The following FNDC3B variants were observed in gnomAD, a reference collection of about 807,000 sequenced individuals.
FNDC3B encodes the protein fibronectin type III domain-containing protein 3B.
Under a neutral mutation model 151.5 loss-of-function variants are expected in FNDC3B, and 12 were observed. The observed-to-expected ratio is 0.08, with a 90% confidence interval of 0.05 to 0.13. The LOEUF (loss-of-function observed/expected upper bound fraction) is 0.13. Among genes scored for constraint, FNDC3B ranks in the 10% least tolerant of loss-of-function variants. FNDC3B has a pLI of 1.00. For missense variants in FNDC3B, 1,214 were observed against 1,505.3 expected (o/e 0.81, Z 3.20); for synonymous variants, 528 against 549.0 (o/e 0.96, Z 0.54).
intron 3 of FNDC3B, among the ~76,000 whole-genome samples, chr3:172,202,176 A>G (rs1725188566): frequency 6.6e-6 from 1 of 152,194 alleles, no homozygotes; most frequent in South Asian, 2.1e-4. Flanking sequence ...AAGTTACATC[A>G]TCTAGAATTT....
chr3:172,086,271 G>A (rs1718543304), intron 1 of FNDC3B, among the ~76,000 whole-genome samples: 1 of 151,792 alleles, frequency 6.6e-6, no homozygotes, highest in Non-Finnish European at 1.5e-5. Flanking sequence ...AAGGTAGGAG[G>A]TTTGCTTGAG....
chr3:172,310,183 C>G (rs115712633), intron 10 of FNDC3B, among the ~76,000 whole-genome samples: 1 of 152,286 alleles, frequency 6.6e-6, no homozygotes, highest in African/African-American at 2.4e-5. Flanking sequence ...TTCTTTACTT[C>G]CCTTCCCATT....
Position 172,074,756 on chromosome 3 carries a change from G to C in FNDC3B, c.-29+34985G>C, listed in dbSNP as rs142039310. Among the ~76,000 whole-genome samples, 64 of 152,272 alleles carry C rather than the reference G, an allele frequency of 4.2e-4. 2 individuals carry two copies. The East Asian group carries it at 0.012, about 29-fold the overall frequency. On this transcript the variant is annotated intron_variant, in intron 1 of 25. Coordinates refer to ENST00000415807, the MANE Select transcript of FNDC3B (RefSeq NM_022763.4). ...GTGAAATTTGGCAGGCCCCTAGCCC[G>C]TTAGTGGCCACAGTCACATGATTGA...
chr3:172,346,105 T>A, intron 19 of FNDC3B: 1 of 283,956 alleles, frequency 3.5e-6, no homozygotes, highest in Admixed American at 5.2e-5. Flanking sequence ...ATTTTACAAT[T>A]AAAAAAATGA....
At chr3:172,044,669 A>G (rs1716277631) in intron 1 of FNDC3B, among the ~76,000 whole-genome samples, 1 of 152,214 alleles carries the variant, frequency 6.6e-6, no homozygotes, top group Non-Finnish European at 1.5e-5. Context: ...ACTATTTTCA[A>G]GGATAAGATA....
At chr3:172,099,954 G>A (rs1241728276) in intron 1 of FNDC3B, among the ~76,000 whole-genome samples, 1 of 152,028 alleles carries the variant, frequency 6.6e-6, no homozygotes, top group African/African-American at 2.4e-5. Context: ...CCCTCTTGGG[G>A]GTTCATGACA....
intron 13 of FNDC3B, 50 bp from the exon 14 acceptor site, chr3:172,333,039 A>G (rs766964020): frequency 3.0e-5 from 36 of 1,182,386 alleles, no homozygotes; most frequent in Non-Finnish European, 4.5e-5. Flanking sequence ...AAGGTATTTA[A>G]TGCCCAGAAT....
At chr3:172,192,161 T>G (rs866547333) in intron 3 of FNDC3B, among the ~76,000 whole-genome samples, 77 of 141,126 alleles carry the variant, frequency 5.5e-4, no homozygotes, top group Middle Eastern at 3.7e-3. Context: ...ACTGTTTTTT[T>G]TGTGTGTGTT....
intron 3 of FNDC3B, among the ~76,000 whole-genome samples, chr3:172,147,254 C>T (rs1280614691): frequency 1.3e-5 from 2 of 149,912 alleles, no homozygotes; most frequent in Non-Finnish European, 1.5e-5. Flanking sequence ...TTGCAGTGAG[C>T]TGAGATTGCA....
At chr3:172,360,149 G>T (rs897323905) in intron 22 of FNDC3B, among the ~76,000 whole-genome samples, 2 of 152,156 alleles carry the variant, frequency 1.3e-5, no homozygotes, top group African/African-American at 4.8e-5. Flanking sequence ...ATCCCTGCCA[G>T]CACTTTTTTA....
intron 6 of FNDC3B, among the ~76,000 whole-genome samples, chr3:172,278,603 T>A (rs1032696623): frequency 9.2e-5 from 14 of 152,164 alleles, no homozygotes; most frequent in Non-Finnish European, 4.4e-5. Context: ...TGGGTTTGCA[T>A]CCCTGTACAA....
At chr3:172,384,145 AT>A (rs1277566777) in intron 25 of FNDC3B, among the ~76,000 whole-genome samples, 4 of 152,204 alleles carry the variant, frequency 2.6e-5, no homozygotes, top group Non-Finnish European at 5.9e-5. Context: ...AAAAAAGGTA[AT>A]TTTGGACATT....
At chr3:172,070,754 C>T (rs1028666062) in intron 1 of FNDC3B, among the ~76,000 whole-genome samples, 1 of 152,200 alleles carries the variant, frequency 6.6e-6, no homozygotes, top group Non-Finnish European at 1.5e-5. Context: ...TATTACCCAG[C>T]CTTGACAATC....
chr3:172,140,764 G>A (rs917201392), intron 3 of FNDC3B, among the ~76,000 whole-genome samples: 4 of 152,228 alleles, frequency 2.6e-5, no homozygotes, highest in African/African-American at 9.6e-5. Context: ...TTTCCTAGGA[G>A]GTTTTAAGTC....
chr3:172,050,879 C>T (rs1716615175), intron 1 of FNDC3B, among the ~76,000 whole-genome samples: 4 of 151,896 alleles, frequency 2.6e-5, no homozygotes, highest in African/African-American at 4.8e-5. Flanking sequence ...ATTTCTCTGG[C>T]GGTAGGATCA....
chr3:172,220,181 G>C (rs966676153), intron 3 of FNDC3B, among the ~76,000 whole-genome samples: 1 of 152,090 alleles, frequency 6.6e-6, no homozygotes, highest in Non-Finnish European at 1.5e-5. Flanking sequence ...GTGTGTGTGT[G>C]TGTGTCTTTT....
chr3:172,143,387 G>A (rs1171679259), intron 3 of FNDC3B, among the ~76,000 whole-genome samples: 3 of 152,022 alleles, frequency 2.0e-5, no homozygotes, highest in Non-Finnish European at 4.4e-5. Flanking sequence ...ACTTTATTTT[G>A]GGGGAGAATA....
At position 172,352,719 on chromosome 3, in the gene FNDC3B, A is replaced by G. The variant is rs1733915495; in HGVS notation, c.2515-84A>G. The G allele has an allele frequency of 7.3e-7, 1 of 1,370,490 alleles. No individual in the cohort carries two copies. The highest frequency in any genetic ancestry group is 1.0e-6 in the Non-Finnish European group (1 of 1,003,438). 84.9% of individuals were successfully genotyped at this position (1,370,490 alleles called of 1,614,324 possible). A position where few individuals can be genotyped will look rare whatever the true frequency, so the allele number is the denominator to read the frequency against. On this transcript the variant is annotated intron_variant, in intron 21 of 25. Coordinates refer to ENST00000415807, the MANE Select transcript of FNDC3B (RefSeq NM_022763.4). This position sits in a 1 kb window ranked among gnomAD's most constrained non-coding sequence, Gnocchi z 4.2. ...TATGTGGAAATGTGTACTACTTTAG[A>G]TTTATTTAATGGCAGCTAACTCAGA...
intron 4 of FNDC3B, among the ~76,000 whole-genome samples, chr3:172,233,398 C>T (rs1399213668): frequency 1.3e-5 from 2 of 152,056 alleles, no homozygotes; most frequent in Non-Finnish European, 2.9e-5. Flanking sequence ...TGGGTCAGTA[C>T]CTGTTGAAAT....
Sources: allele counts gnomAD v4.1 joint callset (sites outside exome capture counted in the v4.1 genomes callset), GRCh38; gene constraint gnomAD v4.1.1; non-coding constraint Gnocchi (gnomAD v3.1); transcripts MANE v1.5; gene names NCBI Gene and HGNC (gene_info 2026-07-23, HGNC 2026-07-21).